Variants in BTBD8 observed in about 807,000 individuals in gnomAD.
The protein encoded by BTBD8 is BTB/POZ domain-containing protein 8.
Under a neutral mutation model 162.9 loss-of-function variants are expected in BTBD8, and 110 were observed. The observed-to-expected ratio is 0.68, with a 90% CI of 0.58 to 0.79. BTBD8 has a LOEUF of 0.79. BTBD8 is among the 30% of genes least tolerant of loss of function. The pLI, the probability that BTBD8 is intolerant of heterozygous loss-of-function variation, is 0.00. For missense variants in BTBD8, 1,905 were observed against 2,085.4 expected, an observed-to-expected ratio of 0.91 and a Z score of 1.68; for synonymous variants, 667 against 716.1, an observed-to-expected ratio of 0.93 and a Z score of 1.10.
chr1:92,143,969 C>CTTTTTTT (rs935357789), intron 7 of BTBD8, among the ~76,000 whole-genome samples: 86 of 103,200 alleles, frequency 8.3e-4, no homozygotes, highest in South Asian at 9.8e-4. Flanking sequence ...ACTTTTAGTT[C>CTTTTTTT]TTTTTTTTTT....
At chr1:92,165,442 G>C (rs1459647592) in intron 9 of BTBD8, among the ~76,000 whole-genome samples, 1 of 151,796 alleles carries the variant, frequency 6.6e-6, no homozygotes, top group Non-Finnish European at 1.5e-5. Context: ...TTTTCTTATA[G>C]TGTGTATAAA....
chr1:92,179,930 A>C (rs2100690921), intron 16 of BTBD8, among the ~76,000 whole-genome samples: 1 of 152,242 alleles, frequency 6.6e-6, no homozygotes, highest in Non-Finnish European at 1.5e-5. Context: ...CCTTTGATAA[A>C]AGAAAATCCG....
intron 4 of BTBD8, among the ~76,000 whole-genome samples, chr1:92,117,252 T>C (rs573250948): frequency 4.7e-4 from 71 of 152,168 alleles, no homozygotes; most frequent in African/African-American, 1.7e-3. Flanking sequence ...TTGCTGCTGC[T>C]TCACATTACC....
rs114331623 is a variant in BTBD8 at position 92,082,500 on chromosome 1, G to A, written c.149+1780G>A. Among the ~76,000 whole-genome samples the A allele has an allele frequency of 4.0e-3, 602 of 152,264 alleles. 2 individuals are homozygous for A. Among genetic ancestry groups the A allele is most frequent in the African/African-American group, 0.014 (584 of 41,538 alleles). On this transcript the variant is annotated intron_variant, in intron 1 of 17. Coordinates refer to ENST00000636805, the MANE Select transcript of BTBD8 (RefSeq NM_001376131.1). ...GGGAAGACTTTATAGGGTGACATTT[G>A]AGTGAGCTCTTAGGGATTGGTTAAG...
chr1:92,167,381 C>A (rs1316770022), intron 10 of BTBD8, among the ~76,000 whole-genome samples: 7 of 152,154 alleles, frequency 4.6e-5, no homozygotes, highest in Non-Finnish European at 7.3e-5. Flanking sequence ...GTAATTCTGG[C>A]CAACTCTAGC....
intron 4 of BTBD8, among the ~76,000 whole-genome samples, chr1:92,110,236 C>T (rs1648852829): frequency 6.6e-6 from 1 of 152,200 alleles, no homozygotes; most frequent in African/African-American, 2.4e-5. Flanking sequence ...TCATTTCTAA[C>T]AGAGTGGTTA....
Position 92,102,684 on chromosome 1 carries a change from A to G in BTBD8, c.544+15A>G, listed in dbSNP as rs745812621. The stretch of plus-strand genomic sequence containing the variant: ...CATTTCCAATGGTGAGGTATTTTTT[A>G]TGGAGTTGTATTTATAGCCGTAAAA... On this transcript the variant is annotated intron_variant, in intron 3 of 17. Transcript: ENST00000636805. The G allele has an allele frequency of 3.5e-6, 5 of 1,437,774 alleles. No individual in the cohort carries two copies. The South Asian group carries it at 8.2e-5, about 24-fold the overall frequency. 89.1% of individuals were successfully genotyped at this position (1,437,774 alleles called of 1,614,324 possible).
chr1:92,176,058 C>T (rs761788682), intron 13 of BTBD8, among the ~76,000 whole-genome samples: 2 of 151,988 alleles, frequency 1.3e-5, no homozygotes, highest in Non-Finnish European at 2.9e-5. Flanking sequence ...GTCCAAAAAC[C>T]AAGCTTTGCA....
chr1:92,129,748 A>C lies in BTBD8; in HGVS notation c.724A>C (p.Ser242Arg), dbSNP rs1649464214. The part of the protein sequence containing the change: ...AAMLSGCWAE[S>R]SQEYVTLQGI... Reference sequence around the variant, plus strand: ...AATGCTGAGTGGCTGTTGGGCTGAAAGCTCCCAAGAGTACGTTACTCTTCA... The same window carrying C: ...AATGCTGAGTGGCTGTTGGGCTGAACGCTCCCAAGAGTACGTTACTCTTCA... Residue 242 changes from serine (S) to arginine (R), a missense_variant, in exon 5 of 18, where the codon AGC (serine) becomes CGC (arginine). By Grantham distance (110) the Ser-to-Arg change is moderately radical. This residue lies in a region of BTBD8 where 1,374 missense variants were observed against 1,442.7 expected (regional missense o/e 0.95). Transcript: ENST00000636805. The C allele has an allele frequency of 1.2e-6, 2 of 1,614,004 alleles. No individual in the cohort carries two copies. The highest frequency in any genetic ancestry group is 2.2e-5 in the South Asian group (2 of 91,074).
chr1:92,080,891 G>A (rs756351334), intron 1 of BTBD8, among the ~76,000 whole-genome samples, 171 bp downstream of exon 1: 3 of 152,070 alleles, frequency 2.0e-5, no homozygotes, highest in Non-Finnish European at 2.9e-5. Context: ...AAGTGGCTTC[G>A]CTCGCCCTGA....
In BTBD8 at chr1:92,181,940, T is replaced by C. The variant is rs771969988; in HGVS notation, c.4257T>C (p.Asp1419=). ...FQGIINLAFE[D]ATENECREFS... is the part of the protein sequence containing the mutation. ...GAATAATTAATTTAGCTTTTGAAGA[T>C]GCAACTGAAAATGAATGTCGTGAAT... Residue 1419 remains aspartate (D), a synonymous_variant, in exon 17 of 18, where the codon GAT becomes GAC. Transcript: ENST00000636805. 6.4e-7 allele frequency: 1 copy of C among 1,551,678 alleles called. No homozygotes were observed. The highest frequency in any genetic ancestry group is 1.2e-5 in the South Asian group (1 of 84,054).
At chr1:92,123,533 G>A (rs193123558) in intron 4 of BTBD8, among the ~76,000 whole-genome samples, 3 of 152,130 alleles carry the variant, frequency 2.0e-5, no homozygotes, top group Non-Finnish European at 2.9e-5. Context: ...GGTTTTTACT[G>A]TAGAGGTCTT....
At chr1:92,112,248 A>G (rs935598174) in intron 4 of BTBD8, among the ~76,000 whole-genome samples, 10 of 151,984 alleles carry the variant, frequency 6.6e-5, no homozygotes, top group Admixed American at 2.0e-4. Flanking sequence ...CATCTCTACA[A>G]AAAAATTTAG....
chr1:92,141,232 A>G, intron 7 of BTBD8, 21 bp downstream of exon 7: 1 of 1,569,808 alleles, frequency 6.4e-7, no homozygotes, highest in Non-Finnish European at 8.7e-7. Context: ...AGCCTCAGAA[A>G]TCTTTTATCC....
chr1:92,089,654 G>C (rs1648246992), intron 2 of BTBD8, among the ~76,000 whole-genome samples: 1 of 152,136 alleles, frequency 6.6e-6, no homozygotes, highest in African/African-American at 2.4e-5. Flanking sequence ...CATGGCAAAA[G>C]AGATAAACAA....
rs1052209965 is a variant in BTBD8, at chr1:92,168,992, G to C, written c.1570G>C (p.Ala524Pro). The change falls in exon 12 of 18, where the codon GCA becomes CCA. Residue 524 changes from alanine to proline, a missense_variant. Transcript: ENST00000636805. The part of the protein sequence containing the change: ...MSTDDQQKIQ[A>P]AAFDKGDDRR... ...CACAGATGATCAACAGAAAATCCAAGCAGGTACGTTAGCCTTGAGATATTT... is the reference window on the plus strand; with the variant it reads ...CACAGATGATCAACAGAAAATCCAACCAGGTACGTTAGCCTTGAGATATTT... The C allele has an allele frequency of 9.8e-5, 149 of 1,525,028 alleles. No homozygotes were observed. The highest frequency in any genetic ancestry group is 1.2e-4 in the Non-Finnish European group (138 of 1,126,872). The allele number at this position is 1,525,028 out of a possible 1,614,324, so 94.5% of individuals were successfully genotyped here.
chr1:92,099,564 G>A (rs1344768623), intron 2 of BTBD8, among the ~76,000 whole-genome samples: 1 of 152,000 alleles, frequency 6.6e-6, no homozygotes, highest in East Asian at 1.9e-4. Flanking sequence ...AGTTGCTTTC[G>A]ACATTGTTTT....
chr1:92,155,829 G>T (rs992949593), intron 9 of BTBD8, among the ~76,000 whole-genome samples: 2 of 151,988 alleles, frequency 1.3e-5, no homozygotes, highest in Non-Finnish European at 2.9e-5. Context: ...CAGTTTTTTG[G>T]TGAAGTGTTT....
At chr1:92,177,974 A>T (rs1650770748) in intron 15 of BTBD8, 76 bp downstream of exon 15, 1 of 657,848 alleles carries the variant, frequency 1.5e-6, no homozygotes, top group East Asian at 2.9e-5. Flanking sequence ...TGCTAGCTAA[A>T]TATTTTTAAA....
Sources: gnomAD v4.1 joint callset for allele counts (sites outside exome capture counted in the v4.1 genomes callset) on GRCh38, gnomAD v4.1.1 for gene constraint, gnomAD v4.1.1 regional missense constraint, MANE v1.5 for transcripts, NCBI Gene and HGNC (gene_info 2026-07-23, HGNC 2026-07-21) for gene names.